The following TTLL7 variants were observed in gnomAD, a reference collection of about 807,000 sequenced individuals.
The protein encoded by TTLL7 is tubulin tyrosine ligase like 7, also known as tubulin polyglutamylase TTLL7.
TTLL7 carries 53 observed loss-of-function variants against 120.2 expected under a neutral mutation model. The observed-to-expected ratio is 0.44, with a 90% CI of 0.35 to 0.55. The LOEUF (loss-of-function observed/expected upper bound fraction) is 0.55, where lower values mean the gene tolerates loss of function less well. TTLL7 is among the 20% of genes least tolerant of loss of function. The pLI is 0.00. For missense variants in TTLL7, 803 were observed against 1,054.7 expected, an observed-to-expected ratio of 0.76 and a Z score of 3.31; for synonymous variants, 353 against 351.7, an observed-to-expected ratio of 1.00 and a Z score of -0.04.
At chr1:83,872,282 A>G (rs1248950837) in intron 20 of TTLL7, among the ~76,000 whole-genome samples, 6 of 152,248 alleles carry the variant, frequency 3.9e-5, no homozygotes, top group African/African-American at 1.4e-4. Context: ...AATTAAATCA[A>G]TATTGTATAA....
At chr1:83,997,255 A>G (rs565248116) in intron 1 of TTLL7, among the ~76,000 whole-genome samples, 4 of 152,332 alleles carry the variant, frequency 2.6e-5, no homozygotes, top group Non-Finnish European at 5.9e-5. Flanking sequence ...GAGTATTTAG[A>G]GATAATGAGC....
chr1:83,977,503 T>A (rs1462351584), intron 1 of TTLL7, among the ~76,000 whole-genome samples: 3 of 152,174 alleles, frequency 2.0e-5, no homozygotes, highest in Non-Finnish European at 4.4e-5. Flanking sequence ...GACTTTATGA[T>A]GTTTTACTTT....
intron 1 of TTLL7, among the ~76,000 whole-genome samples, chr1:83,971,089 C>T (rs1220995601): frequency 6.6e-6 from 1 of 151,954 alleles, no homozygotes; most frequent in African/African-American, 2.4e-5. Flanking sequence ...AGCCTTCAAG[C>T]AAAGAAATGC....
chr1:83,913,281 T>C (rs1014556544), intron 14 of TTLL7, among the ~76,000 whole-genome samples: 1 of 152,174 alleles, frequency 6.6e-6, no homozygotes, highest in Non-Finnish European at 1.5e-5. Context: ...AAAAAATGTA[T>C]AAATATATGA....
intron 1 of TTLL7, among the ~76,000 whole-genome samples, chr1:83,989,077 T>G (rs752949788): frequency 6.6e-6 from 1 of 152,194 alleles, no homozygotes; most frequent in African/African-American, 2.4e-5. Flanking sequence ...TTCTGGATAT[T>G]AGACCTTTGT....
At chr1:83,946,095 A>G (rs575532554) in intron 6 of TTLL7, 1 of 152,264 alleles carries the variant, frequency 6.6e-6, no homozygotes, top group Non-Finnish European at 1.5e-5. Context: ...ACTGTCGCCC[A>G]GGCTGGAGTG....
chr1:83,999,061 C>G lies in TTLL7; in HGVS notation c.-307G>C. ...CAGCCTGCACTGGTGGTCCGGTGCT[C>G]TCCTCCGCCCGCCCACCGCCCGTGG... On this transcript the variant is annotated 5_prime_UTR_variant, in exon 1 of 21. Coordinates refer to ENST00000260505, the MANE Select transcript of TTLL7 (RefSeq NM_024686.6). The G allele has an allele frequency of 2.2e-6, 1 of 446,546 alleles. No homozygotes were observed. The highest frequency in any genetic ancestry group is 4.5e-6 in the Non-Finnish European group (1 of 224,320). The allele number at this position is 446,546 out of a possible 1,614,324, so 27.7% of individuals were successfully genotyped here. A position where few individuals can be genotyped will look rare whatever the true frequency, so the allele number is the denominator to read the frequency against.
At chr1:83,876,768 TTA>T (rs1360920643) in intron 20 of TTLL7, among the ~76,000 whole-genome samples, 1 of 152,048 alleles carries the variant, frequency 6.6e-6, no homozygotes, top group Non-Finnish European at 1.5e-5. Flanking sequence ...TGACTTTGAT[TTA>T]TATGATTTCA....
intron 10 of TTLL7, among the ~76,000 whole-genome samples, chr1:83,922,811 G>A (rs1257648541): frequency 6.6e-6 from 1 of 150,646 alleles, no homozygotes; most frequent in African/African-American, 2.5e-5. Flanking sequence ...TATATACAGT[G>A]GCTTAGAAGT....
At chr1:83,940,345 T>A (rs1647837037) in intron 7 of TTLL7, among the ~76,000 whole-genome samples, 1 of 152,320 alleles carries the variant, frequency 6.6e-6, no homozygotes, top group Non-Finnish European at 1.5e-5. Context: ...ATTTAAATTA[T>A]AATCTATGTA....
At chr1:83,993,368 G>T (rs1653178800) in intron 1 of TTLL7, among the ~76,000 whole-genome samples, 1 of 152,196 alleles carries the variant, frequency 6.6e-6, no homozygotes, top group Admixed American at 6.5e-5. Flanking sequence ...TAATGGAAGA[G>T]GGAGGAAAAT....
chr1:83,933,794 A>G, intron 8 of TTLL7, 28 bp from the exon 9 acceptor site: 1 of 1,588,914 alleles, frequency 6.3e-7, no homozygotes, highest in Non-Finnish European at 8.6e-7. Context: ...AAGAAGTGAA[A>G]ATGCCTTTGT....
intron 1 of TTLL7, among the ~76,000 whole-genome samples, chr1:83,982,572 G>A (rs1283312548): frequency 1.3e-5 from 2 of 151,920 alleles, no homozygotes; most frequent in African/African-American, 4.8e-5. Context: ...CAAAAAAAAT[G>A]ATATGTACAA....
chr1:83,878,629 C>T (rs1276440949), intron 20 of TTLL7, among the ~76,000 whole-genome samples: 1 of 151,896 alleles, frequency 6.6e-6, no homozygotes, highest in African/African-American at 2.4e-5. Context: ...TACAGCTTTT[C>T]TAGTTATCAT....
At chr1:83,909,100 C>T (rs534040115) in intron 15 of TTLL7, among the ~76,000 whole-genome samples, 39 of 150,632 alleles carry the variant, frequency 2.6e-4, no homozygotes, top group African/African-American at 9.3e-4. Flanking sequence ...TAATGTGCGC[C>T]GAGAGCAAAC....
rs1254265189 is a variant in TTLL7 at position 83,907,731 on chromosome 1, A to G, written c.1787-70T>C. 5.8e-6 allele frequency: 8 copies of G among 1,387,672 alleles called. No homozygotes were observed. In the East Asian group the frequency reaches 1.2e-4, roughly 21 times the overall value. 86.0% of individuals were successfully genotyped at this position (1,387,672 alleles called of 1,614,324 possible). ...ACAAGTTTTTCACTGTATGAAGTCT[A>G]TATAAACTAAAGATTATAGCAGCTA... On this transcript the variant is annotated intron_variant, in intron 15 of 20. Transcript: ENST00000260505.
chr1:83,914,221 C>T (rs1329827287), intron 14 of TTLL7, among the ~76,000 whole-genome samples: 2 of 151,788 alleles, frequency 1.3e-5, no homozygotes, highest in African/African-American at 4.8e-5. Context: ...TTGAGTCATA[C>T]CAAACTTTTC....
intron 20 of TTLL7, among the ~76,000 whole-genome samples, chr1:83,871,940 T>C (rs1184802516): frequency 6.9e-6 from 1 of 144,994 alleles, no homozygotes; most frequent in African/African-American, 2.5e-5. Context: ...TCTCCAGGGA[T>C]AGTACCATAT....
chr1:83,923,469 C>G (rs1658853470), intron 10 of TTLL7, among the ~76,000 whole-genome samples: 1 of 151,742 alleles, frequency 6.6e-6, no homozygotes, highest in Non-Finnish European at 1.5e-5. Context: ...AAAATAAACA[C>G]AGATCTATAT....
Sources: gnomAD v4.1 joint callset for allele counts (sites outside exome capture counted in the v4.1 genomes callset) on GRCh38, gnomAD v4.1.1 for gene constraint, MANE v1.5 for transcripts, NCBI Gene and HGNC (gene_info 2026-07-23, HGNC 2026-07-21) for gene names.